The following MPHOSPH10 variants were observed in gnomAD, a reference collection of about 807,000 sequenced individuals.
MPHOSPH10 encodes U3 small nucleolar ribonucleoprotein MPP10.
Under a neutral mutation model 77.3 loss-of-function variants are expected in MPHOSPH10, and 33 were observed. The observed-to-expected ratio is 0.43, with a 90% CI of 0.32 to 0.57. The LOEUF (loss-of-function observed/expected upper bound fraction) is 0.57. Among genes scored for constraint, MPHOSPH10 ranks in the 20% least tolerant of loss-of-function variants. MPHOSPH10 has a pLI of 0.07. For missense variants in MPHOSPH10, 708 were observed against 780.1 expected, an observed-to-expected ratio of 0.91 and a Z score of 1.10; for synonymous variants, 245 against 268.0, an observed-to-expected ratio of 0.91 and a Z score of 0.84.
At chr2:71,138,772 C>T (rs1673551511) in intron 5 of MPHOSPH10, 141 bp downstream of exon 5, 40 of 1,195,302 alleles carry the variant, frequency 3.3e-5, no homozygotes, top group Non-Finnish European at 4.6e-5. Context: ...TGGTAGCTCA[C>T]ACCTGTAATC....
At chr2:71,137,348 AAAAGAT>A (rs1186938790) in intron 4 of MPHOSPH10, among the ~76,000 whole-genome samples, 1 of 152,174 alleles carries the variant, frequency 6.6e-6, no homozygotes, top group East Asian at 1.9e-4. Context: ...GTGTAACTAC[AAAAGAT>A]AAAGATAAGA....
Position 71,139,863 on chromosome 2 carries a change from G to C in MPHOSPH10, c.1308+1G>C. On this transcript the variant is annotated splice_donor_variant, in intron 6 of 10. Transcript: ENST00000244230. LOFTEE classifies it high-confidence loss of function. ...CATTAAACAGAGGATAAGAGATCAG[G>C]TCAGTAAGAATTAAATTTAACTTAA... 1 of 1,589,104 alleles carries C rather than the reference G, an allele frequency of 6.3e-7. No individual in the cohort carries two copies. The highest frequency in any genetic ancestry group is 8.6e-7 in the Non-Finnish European group (1 of 1,166,476).
intron 8 of MPHOSPH10, 32 bp from the exon 9 acceptor site, chr2:71,147,967 G>A (rs780414076): frequency 2.6e-6 from 4 of 1,559,018 alleles, no homozygotes; most frequent in Non-Finnish European, 3.5e-6. Flanking sequence ...GTCCCTTCTG[G>A]CTTCCCATTG....
chr2:71,132,837 A>G, intron 1 of MPHOSPH10, 61 bp from the exon 2 acceptor site: 1 of 1,496,980 alleles, frequency 6.7e-7, no homozygotes, highest in Non-Finnish European at 8.9e-7. Flanking sequence ...TTTTATTTTT[A>G]TTAAGAGTGC....
At chr2:71,137,921 G>A (rs1225928442) in intron 4 of MPHOSPH10, among the ~76,000 whole-genome samples, 6 of 151,974 alleles carry the variant, frequency 3.9e-5, no homozygotes, top group South Asian at 2.1e-4. Flanking sequence ...GTGAAACCCC[G>A]TCTCTACTAA....
intron 4 of MPHOSPH10, among the ~76,000 whole-genome samples, chr2:71,137,656 CAAAAAAA>C (rs60072810): frequency 6.5e-5 from 3 of 46,358 alleles, no homozygotes; most frequent in East Asian, 4.4e-4. Context: ...GAGACTGTCT[CAAAAAAA>C]AAAAAAAAAA....
chr2:71,145,004 A>G (rs1367106669), intron 8 of MPHOSPH10, among the ~76,000 whole-genome samples: 1 of 152,188 alleles, frequency 6.6e-6, no homozygotes, highest in Non-Finnish European at 1.5e-5. Flanking sequence ...GGCAGGTACT[A>G]TAGTTTCCAT....
At chr2:71,136,383 T>G (rs1253242843) in intron 4 of MPHOSPH10, among the ~76,000 whole-genome samples, 2 of 151,986 alleles carry the variant, frequency 1.3e-5, no homozygotes, top group Non-Finnish European at 2.9e-5. Context: ...GGAATGGTAG[T>G]GTGTGCCTAT....
intron 4 of MPHOSPH10, among the ~76,000 whole-genome samples, chr2:71,135,927 G>A (rs11892076): frequency 0.34 from 51,172 of 151,658 alleles, 8,866 homozygotes; most frequent in Admixed American, 0.41. Context: ...CTGGTCTGAA[G>A]CTCCTGACCT....
At chr2:71,144,765 A>C (rs932234008) in intron 8 of MPHOSPH10, among the ~76,000 whole-genome samples, 4 of 152,194 alleles carry the variant, frequency 2.6e-5, no homozygotes, top group Admixed American at 6.5e-5. Flanking sequence ...ATGGTCAGGC[A>C]TCATGCTAGT....
intron 10 of MPHOSPH10, 34 bp downstream of exon 10, chr2:71,149,487 A>T (rs980892249): frequency 1.8e-5 from 28 of 1,574,868 alleles, no homozygotes; most frequent in Non-Finnish European, 2.3e-5. Flanking sequence ...GCTCAAGGGG[A>T]CCTTTGTGGG....
rs149048909 is a variant in MPHOSPH10 at position 71,139,492 on chromosome 2, A to G, written c.1241-303A>G. ...CAAAATGAGTTTTCATTTTATTTCA[A>G]TGGAAGAGAGAATGGAAAAGAGGGG... On this transcript the variant is annotated intron_variant, in intron 5 of 10. Coordinates refer to ENST00000244230, the MANE Select transcript of MPHOSPH10 (RefSeq NM_005791.3). 1.1e-4 allele frequency: 21 copies of G among 194,658 alleles called. No individual in the cohort carries two copies. In the East Asian group the frequency reaches 1.2e-3, roughly 11 times the overall value. The allele number at this position is 194,658 out of a possible 1,614,324, so 12.1% of individuals were successfully genotyped here. A position where few individuals can be genotyped will look rare whatever the true frequency, so the allele number is the denominator to read the frequency against.
rs144785864 is a variant in MPHOSPH10, at chr2:71,148,081, C to T, written c.1640C>T (p.Ala547Val). ...GCCCCAGTGAGTGTTAGTGATGCAGCTCTCCTGGCCCCAGAGGAGATCAAG... is the reference window on the plus strand; with the variant it reads ...GCCCCAGTGAGTGTTAGTGATGCAGTTCTCCTGGCCCCAGAGGAGATCAAG... ...EVAPVSVSDA[A>V]LLAPEEIKEK... The change falls in exon 9 of 11, where the codon GCT (alanine) becomes GTT (valine). Residue 547 changes from alanine (A) to valine (V), a missense_variant. Around this residue, in one of 3 missense-constraint regions of MPHOSPH10, gnomAD observed 263 missense variants for 320.0 expected, o/e 0.82. Coordinates refer to ENST00000244230, the MANE Select transcript of MPHOSPH10 (RefSeq NM_005791.3). The T allele has an allele frequency of 3.7e-6, 6 of 1,613,906 alleles. No homozygotes were observed. The African/African-American group carries it at 4.0e-5, about 11-fold the overall frequency.
Position 71,132,899 on chromosome 2 carries a change from A to G in MPHOSPH10, c.91A>G (p.Ile31Val), listed in dbSNP as rs774637565. The change falls in exon 2 of 11, where the codon ATT becomes GTT. Residue 31 changes from isoleucine to valine, a missense_variant and splice_region_variant. Transcript: ENST00000244230. ...ATGRPECFLT[I>V]QEGLASKFTS... ...ATCTCACTTAATTCCTCCCAATAGG[A>G]TTCAAGAGGGATTGGCATCAAAGTT... The G allele has an allele frequency of 2.9e-5, 47 of 1,602,162 alleles. No individual in the cohort carries two copies. The highest frequency in any genetic ancestry group is 3.2e-5 in the Non-Finnish European group (38 of 1,171,870).
intron 5 of MPHOSPH10, 55 bp from the exon 6 acceptor site, chr2:71,139,740 G>C: frequency 7.7e-7 from 1 of 1,298,024 alleles, no homozygotes; most frequent in Non-Finnish European, 1.1e-6. Context: ...GGACTGCACT[G>C]AATCAATGGT....
chr2:71,134,045 C>G lies in MPHOSPH10; in HGVS notation c.866C>G (p.Ser289Ter). ...ITNVHDDELD[S>*]NKEDDEIAEE... ...AATGTTCATGATGATGAGCTGGATT[C>G]AAACAAAGAAGATGATGAAATTGCT... is the stretch of plus-strand genomic sequence containing the variant. Residue 289 changes from serine to a stop codon, truncating the protein, a stop_gained, in exon 3 of 11, where the codon TCA becomes TGA. Coordinates refer to ENST00000244230, the MANE Select transcript of MPHOSPH10 (RefSeq NM_005791.3). LOFTEE classifies it high-confidence loss of function. 1 of 1,608,610 alleles carries G rather than the reference C, an allele frequency of 6.2e-7. No individual in the cohort carries two copies. The highest frequency in any genetic ancestry group is 8.5e-7 in the Non-Finnish European group (1 of 1,177,248).
At position 71,133,325 on chromosome 2, in the gene MPHOSPH10, C is replaced by T; in HGVS notation, c.517C>T (p.Leu173Phe). Residue 173 changes from leucine (L) to phenylalanine (F), a missense_variant, in exon 2 of 11, where the codon CTT becomes TTT. This residue lies in a region of MPHOSPH10 where 433 missense variants were observed against 432.6 expected (regional missense o/e 1.00). Coordinates refer to ENST00000244230, the MANE Select transcript of MPHOSPH10 (RefSeq NM_005791.3). ...SPVFSDEDSDLDFDISKLEQQ... is the reference protein window; with the variant it reads ...SPVFSDEDSDFDFDISKLEQQ... ...CGTTTTCAGTGATGAGGATTCTGAC[C>T]TTGACTTTGATATCAGCAAATTGGA... 11 of 1,614,080 alleles carry T rather than the reference C, an allele frequency of 6.8e-6. No individual in the cohort carries two copies. The highest frequency in any genetic ancestry group is 9.3e-6 in the Non-Finnish European group (11 of 1,180,022).
chr2:71,138,450 A>G, intron 4 of MPHOSPH10, 40 bp from the exon 5 acceptor site: 1 of 1,429,588 alleles, frequency 7.0e-7, no homozygotes, highest in Non-Finnish European at 9.4e-7. Context: ...ATAAGATTTT[A>G]TTTTCTAAAT....
At chr2:71,146,171 T>C (rs540944712) in intron 8 of MPHOSPH10, among the ~76,000 whole-genome samples, 15 of 152,304 alleles carry the variant, frequency 9.8e-5, no homozygotes, top group African/African-American at 3.4e-4. Context: ...AGTGAATGTA[T>C]ATGTGTCTAT....
Sources: allele counts gnomAD v4.1 joint callset (sites outside exome capture counted in the v4.1 genomes callset), GRCh38; gene constraint gnomAD v4.1.1; regional missense constraint gnomAD v4.1.1; transcripts MANE v1.5; gene names NCBI Gene and HGNC (gene_info 2026-07-23, HGNC 2026-07-21).